DGKB: variants seen among roughly 807,000 people sequenced by gnomAD.
The protein encoded by DGKB is diacylglycerol kinase beta.
Under a neutral mutation model 114.3 loss-of-function variants are expected in DGKB, and 67 were observed. The ratio of observed to expected loss-of-function variants is 0.59; its 90% CI spans 0.48 to 0.72. The LOEUF (loss-of-function observed/expected upper bound fraction) is 0.72, where lower values mean the gene tolerates loss of function less well. DGKB is among the 30% of genes least tolerant of loss of function. DGKB has a pLI of 0.00. For missense variants in DGKB, 907 were observed against 975.2 expected, an observed-to-expected ratio of 0.93 and a Z score of 0.93; for synonymous variants, 398 against 323.1, an observed-to-expected ratio of 1.23 and a Z score of -2.49.
At chr7:14,743,095 G>T (rs1345997393) in intron 4 of DGKB, among the ~76,000 whole-genome samples, 7 of 152,162 alleles carry the variant, frequency 4.6e-5, no homozygotes, top group Admixed American at 4.6e-4. Flanking sequence ...TGTGTAAAGG[G>T]TTATAAAAGG....
intron 21 of DGKB, among the ~76,000 whole-genome samples, chr7:14,421,893 T>A (rs1210971148): frequency 2.6e-5 from 4 of 152,046 alleles, no homozygotes; most frequent in Admixed American, 6.6e-5. Context: ...TAAGTGCCAA[T>A]ATTAAATATC....
chr7:14,309,521 C>A (rs1805025760), intron 23 of DGKB, among the ~76,000 whole-genome samples: 1 of 152,112 alleles, frequency 6.6e-6, no homozygotes, highest in African/African-American at 2.4e-5. Flanking sequence ...TGATCAGAAC[C>A]CTGATAGTTG....
At chr7:14,221,787 G>A (rs1007687350) in intron 23 of DGKB, among the ~76,000 whole-genome samples, 1 of 149,944 alleles carries the variant, frequency 6.7e-6, no homozygotes. Flanking sequence ...GAAGCCATCT[G>A]GGTCTTTGCT....
chr7:14,321,603 GAA>G (rs1164711723), intron 23 of DGKB, among the ~76,000 whole-genome samples: 3 of 44,498 alleles, frequency 6.7e-5, no homozygotes, highest in Non-Finnish European at 1.2e-4. Context: ...AGAGAAATAA[GAA>G]AAAAAAAAAA....
chr7:14,683,859 T>C (rs1415075590), intron 10 of DGKB, among the ~76,000 whole-genome samples: 2 of 152,030 alleles, frequency 1.3e-5, no homozygotes, highest in East Asian at 1.9e-4. Flanking sequence ...AAAAATAATA[T>C]TGAATATTGC....
intron 5 of DGKB, among the ~76,000 whole-genome samples, chr7:14,724,019 A>C (rs1403221531): frequency 6.6e-6 from 1 of 152,168 alleles, no homozygotes; most frequent in Non-Finnish European, 1.5e-5. Flanking sequence ...TTCATTTTCA[A>C]ACACTTGCAT....
chr7:14,610,556 GT>G (rs1242556095), intron 16 of DGKB, among the ~76,000 whole-genome samples: 1 of 151,922 alleles, frequency 6.6e-6, no homozygotes, highest in Non-Finnish European at 1.5e-5. Flanking sequence ...ACCTAAATTG[GT>G]TTTATATACA....
intron 17 of DGKB, among the ~76,000 whole-genome samples, chr7:14,592,461 T>G (rs1801867901): frequency 6.6e-6 from 1 of 151,996 alleles, no homozygotes; most frequent in African/African-American, 2.4e-5. Context: ...CATACTATAT[T>G]ATTCTTAAAG....
chr7:14,264,121 G>T (rs1375890530), intron 23 of DGKB, among the ~76,000 whole-genome samples: 1 of 152,100 alleles, frequency 6.6e-6, no homozygotes, highest in Non-Finnish European at 1.5e-5. Flanking sequence ...ATCATGAATT[G>T]CCAGTAGTAA....
At chr7:14,176,515 CAAAA>C (rs1214189114) in intron 25 of DGKB, 1 of 1,026,600 alleles carries the variant, frequency 9.7e-7, no homozygotes. Flanking sequence ...CTGAAATAAA[CAAAA>C]AAGTTTCAGA....
At chr7:14,967,652 TAAAAAAAAA>T (rs35965873) in intron 1 of DGKB, among the ~76,000 whole-genome samples, 1 of 101,044 alleles carries the variant, frequency 9.9e-6, no homozygotes, top group African/African-American at 3.7e-5. Context: ...TGTGATTTAT[TAAAAAAAAA>T]AAAAAAAAAA....
At chr7:14,533,382 T>A (rs1791908937) in intron 20 of DGKB, among the ~76,000 whole-genome samples, 1 of 151,738 alleles carries the variant, frequency 6.6e-6, no homozygotes, top group Admixed American at 6.6e-5. Context: ...ATAGACTGAA[T>A]AAAGCTTACA....
chr7:14,956,360 T>A (rs1786507119), intron 1 of DGKB, among the ~76,000 whole-genome samples: 1 of 151,976 alleles, frequency 6.6e-6, no homozygotes, highest in South Asian at 2.1e-4. Context: ...AAAGTTTGAG[T>A]TCTATTACTC....
chr7:14,891,807 T>C (rs924138196), intron 1 of DGKB, among the ~76,000 whole-genome samples: 1 of 151,380 alleles, frequency 6.6e-6, no homozygotes, highest in Non-Finnish European at 1.5e-5. Context: ...CAGGGCTCTG[T>C]AAGAAAACTG....
At chr7:14,973,398 G>A (rs1477892577) in intron 1 of DGKB, among the ~76,000 whole-genome samples, 1 of 151,250 alleles carries the variant, frequency 6.6e-6, no homozygotes, top group Non-Finnish European at 1.5e-5. Flanking sequence ...ATCAAAATAT[G>A]TATATCTGGA....
chr7:14,497,070 G>A (rs1280043106), intron 20 of DGKB, among the ~76,000 whole-genome samples: 1 of 151,792 alleles, frequency 6.6e-6, no homozygotes, highest in African/African-American at 2.4e-5. Flanking sequence ...ACTATTCTAA[G>A]TGAAGTAACT....
chr7:14,687,296 A>T (rs1821884330), intron 9 of DGKB, among the ~76,000 whole-genome samples: 1 of 152,188 alleles, frequency 6.6e-6, no homozygotes, highest in Non-Finnish European at 1.5e-5. Flanking sequence ...TGGACCCTTT[A>T]CAATTCTTGA....
intron 1 of DGKB, among the ~76,000 whole-genome samples, chr7:14,895,073 G>C (rs893159073): frequency 2.0e-5 from 3 of 151,510 alleles, no homozygotes; most frequent in African/African-American, 7.3e-5. Context: ...GGAAGTTACA[G>C]GTTGTTTATG....
At chr7:14,597,066 G>T (rs763101029) in intron 17 of DGKB, among the ~76,000 whole-genome samples, 2 of 152,044 alleles carry the variant, frequency 1.3e-5, no homozygotes, top group Admixed American at 1.3e-4. Context: ...CATAATACTG[G>T]TCAGAGACCA....
Sources: gnomAD v4.1 joint callset for allele counts (sites outside exome capture counted in the v4.1 genomes callset) on GRCh38, gnomAD v4.1.1 for gene constraint, MANE v1.5 for transcripts, NCBI Gene and HGNC (gene_info 2026-07-23, HGNC 2026-07-21) for gene names.